The following SLC24A3 variants were observed in gnomAD, a reference collection of about 807,000 sequenced individuals.
The protein encoded by SLC24A3 is solute carrier family 24 member 3.
In SLC24A3, 28 loss-of-function variants were observed where a neutral mutation model predicts 75.8. The observed-to-expected ratio is 0.37, with a 90% confidence interval of 0.27 to 0.51. The LOEUF is 0.51. Among genes scored for constraint, SLC24A3 ranks in the 20% least tolerant of loss-of-function variants. The pLI, the probability that SLC24A3 is intolerant of heterozygous loss-of-function variation, is 0.94. For synonymous variants in SLC24A3, 372 were observed against 334.1 expected, an observed-to-expected ratio of 1.11 and a Z score of -1.24; for missense variants, 663 against 847.8, an observed-to-expected ratio of 0.78 and a Z score of 2.71.
chr20:19,255,773 A>C (rs1210986638), intron 1 of SLC24A3, among the ~76,000 whole-genome samples: 2 of 152,190 alleles, frequency 1.3e-5, no homozygotes, highest in Non-Finnish European at 2.9e-5. Flanking sequence ...TTAAGGGCTT[A>C]GTACAAAAAA....
At chr20:19,237,839 C>T (rs1008453645) in intron 1 of SLC24A3, among the ~76,000 whole-genome samples, 1 of 152,044 alleles carries the variant, frequency 6.6e-6, no homozygotes, top group Non-Finnish European at 1.5e-5. Context: ...GCCTCCACCT[C>T]GCCTTCTGAT....
chr20:19,672,411 T>C (rs2032479366), intron 8 of SLC24A3, among the ~76,000 whole-genome samples: 1 of 152,152 alleles, frequency 6.6e-6, no homozygotes, highest in African/African-American at 2.4e-5. Flanking sequence ...CATAGCTCAC[T>C]GTAGCCTCCA....
At chr20:19,396,123 A>C (rs897006491) in intron 2 of SLC24A3, among the ~76,000 whole-genome samples, 2 of 150,200 alleles carry the variant, frequency 1.3e-5, no homozygotes, top group Admixed American at 1.4e-4. Context: ...AGTTACCAAT[A>C]TCCTCGTTAC....
At chr20:19,617,538 A>G (rs1600304908) in intron 6 of SLC24A3, among the ~76,000 whole-genome samples, 1 of 152,210 alleles carries the variant, frequency 6.6e-6, no homozygotes, top group African/African-American at 2.4e-5. Flanking sequence ...ACGTAGGCTC[A>G]GGAGACATTG....
At chr20:19,497,152 C>G (rs1372666600) in intron 2 of SLC24A3, among the ~76,000 whole-genome samples, 2 of 152,216 alleles carry the variant, frequency 1.3e-5, no homozygotes, top group East Asian at 3.8e-4. Flanking sequence ...AACATGCTTT[C>G]CATCAGGATG....
intron 3 of SLC24A3, among the ~76,000 whole-genome samples, chr20:19,568,638 G>A (rs1371181449): frequency 6.6e-6 from 1 of 152,198 alleles, no homozygotes; most frequent in Non-Finnish European, 1.5e-5. Context: ...AATAAGGACA[G>A]AGTTTCAATC....
At chr20:19,446,734 C>G (rs553399616) in intron 2 of SLC24A3, among the ~76,000 whole-genome samples, 1 of 152,312 alleles carries the variant, frequency 6.6e-6, no homozygotes, top group Non-Finnish European at 1.5e-5. Context: ...CTGTAGACTT[C>G]TCCAAATTTA....
At chr20:19,681,622 G>T (rs1456264406) in intron 9 of SLC24A3, among the ~76,000 whole-genome samples, 2 of 152,160 alleles carry the variant, frequency 1.3e-5, no homozygotes, top group Non-Finnish European at 2.9e-5. Context: ...CATGTGCTCT[G>T]GTTTATTTCT....
chr20:19,411,201 GGGCTCCCATTACCCCTTCCTTAGGT>G (rs1986739235), intron 2 of SLC24A3, among the ~76,000 whole-genome samples: 1 of 152,108 alleles, frequency 6.6e-6, no homozygotes, highest in Non-Finnish European at 1.5e-5. Context: ...TTTTGCATCA[GGGCTCCCATTACCCCTTCCTTAGGT>G]GCTGAATCTC....
At chr20:19,646,813 C>T (rs1185997016) in intron 6 of SLC24A3, among the ~76,000 whole-genome samples, 4 of 149,304 alleles carry the variant, frequency 2.7e-5, no homozygotes, top group Admixed American at 2.0e-4. Context: ...CAAATGTGAT[C>T]GGGTTGTACT....
chr20:19,350,863 C>G (rs1383677708), intron 2 of SLC24A3, among the ~76,000 whole-genome samples: 1 of 152,122 alleles, frequency 6.6e-6, no homozygotes, highest in Non-Finnish European at 1.5e-5. Flanking sequence ...TGGAGAACTC[C>G]AAGAAAGAGT....
chr20:19,425,298 G>A (rs1043917450), intron 2 of SLC24A3, among the ~76,000 whole-genome samples: 10 of 107,980 alleles, frequency 9.3e-5, no homozygotes, highest in East Asian at 8.3e-4. Context: ...GTGAGACTCC[G>A]TCTCAAAAAA....
chr20:19,256,834 A>G (rs536713436), intron 1 of SLC24A3, among the ~76,000 whole-genome samples: 1 of 152,224 alleles, frequency 6.6e-6, no homozygotes, highest in East Asian at 1.9e-4. Context: ...AGCTGATAAA[A>G]TAGTTTTTAT....
chr20:19,339,933 G>T (rs1985230043), intron 2 of SLC24A3, among the ~76,000 whole-genome samples: 1 of 152,178 alleles, frequency 6.6e-6, no homozygotes, highest in South Asian at 2.1e-4. Context: ...TATGAAACGA[G>T]ATGTTTGATG....
At chr20:19,436,013 G>A (rs1424406933) in intron 2 of SLC24A3, among the ~76,000 whole-genome samples, 1 of 152,134 alleles carries the variant, frequency 6.6e-6, no homozygotes, top group Non-Finnish European at 1.5e-5. Context: ...GCTTGGCAAG[G>A]AGACTGGTTT....
chr20:19,228,357 G>T (rs1466571436), intron 1 of SLC24A3, among the ~76,000 whole-genome samples: 1 of 152,110 alleles, frequency 6.6e-6, no homozygotes, highest in Non-Finnish European at 1.5e-5. Context: ...AAAAAAATCA[G>T]GGCCGGGCGC....
chr20:19,434,708 G>A (rs950523191), intron 2 of SLC24A3, among the ~76,000 whole-genome samples: 1 of 151,066 alleles, frequency 6.6e-6, no homozygotes, highest in African/African-American at 2.4e-5. Flanking sequence ...AAAGTAAAGG[G>A]ATTTTACAGT....
At chr20:19,274,610 T>TG (rs1252161171) in intron 1 of SLC24A3, among the ~76,000 whole-genome samples, 1 of 149,872 alleles carries the variant, frequency 6.7e-6, no homozygotes, top group Non-Finnish European at 1.5e-5. Flanking sequence ...GGGAAGCTCT[T>TG]GCTTCAGCTG....
chr20:19,639,367 T>G (rs2032041953), intron 6 of SLC24A3, among the ~76,000 whole-genome samples: 1 of 152,046 alleles, frequency 6.6e-6, no homozygotes, highest in Non-Finnish European at 1.5e-5. Flanking sequence ...ATAAAGGTTC[T>G]CCAAGGCCCC....
Sources: allele counts gnomAD v4.1 joint callset (sites outside exome capture counted in the v4.1 genomes callset), GRCh38; gene constraint gnomAD v4.1.1; transcripts MANE v1.5; gene names NCBI Gene and HGNC (gene_info 2026-07-23, HGNC 2026-07-21).